The following SDHB variants were observed in gnomAD, a reference collection of about 807,000 sequenced individuals.
The protein encoded by SDHB is succinate dehydrogenase [ubiquinone] iron-sulfur subunit, mitochondrial.
A neutral mutation model predicts 39.7 loss-of-function variants in SDHB; 21 were observed. That is an observed-to-expected ratio of 0.53 (90% CI 0.37 to 0.76). The LOEUF is 0.76. Ranked by LOEUF, SDHB falls within the 30% of genes least tolerant of loss-of-function variation. The pLI is 0.00. For missense variants in SDHB, 343 were observed against 350.9 expected (o/e 0.98, Z 0.18); for synonymous variants, 118 against 117.0 (o/e 1.01, Z -0.06).
intron 1 of SDHB, 48 bp from the exon 2 acceptor site, chr1:17,044,936 A>C (rs1325859452): frequency 1.3e-6 from 2 of 1,559,940 alleles, no homozygotes; most frequent in Middle Eastern, 1.7e-4. Flanking sequence ...TTAGAAATAC[A>C]AGATAATTCC....
At chr1:17,038,755 A>C (rs1235909298) in intron 2 of SDHB, among the ~76,000 whole-genome samples, 1 of 152,246 alleles carries the variant, frequency 6.6e-6, no homozygotes, top group Non-Finnish European at 1.5e-5. Context: ...TTATTATTTA[A>C]GTAAAATTAG....
At chr1:17,030,605 G>A (rs577754570) in intron 3 of SDHB, among the ~76,000 whole-genome samples, 10 of 152,210 alleles carry the variant, frequency 6.6e-5, no homozygotes, top group African/African-American at 1.7e-4. Context: ...TAAACCTCTA[G>A]TGCCAGTCCT....
intron 6 of SDHB, chr1:17,023,124 G>A (rs1415534765): frequency 3.0e-6 from 1 of 337,738 alleles, no homozygotes; most frequent in African/African-American, 2.1e-5. Context: ...CTGAGTAAAG[G>A]AATGATTTAA....
At chr1:17,033,259 G>A in intron 2 of SDHB, 114 bp from the exon 3 acceptor site, 1 of 834,270 alleles carries the variant, frequency 1.2e-6, no homozygotes, top group Non-Finnish European at 2.0e-6. Context: ...GTCTTCTCAG[G>A]TCACCTTCGG....
At chr1:17,041,521 G>A (rs1344292133) in intron 2 of SDHB, among the ~76,000 whole-genome samples, 2 of 151,970 alleles carry the variant, frequency 1.3e-5, no homozygotes, top group Admixed American at 6.6e-5. Context: ...AAAATTAGAC[G>A]GTGTGTGACG....
intron 2 of SDHB, among the ~76,000 whole-genome samples, chr1:17,035,821 C>T (rs1419899393): frequency 2.0e-5 from 3 of 151,960 alleles, no homozygotes; most frequent in East Asian, 1.9e-4. Context: ...GACCGCACCA[C>T]TGCACTCCAG....
At position 17,028,692 on chromosome 1, in the gene SDHB, G is replaced by C. The variant is rs2078005090; in HGVS notation, c.331C>G (p.Leu111Val). 1.2e-6 allele frequency: 2 copies of C among 1,614,174 alleles called. No homozygotes were observed. Among genetic ancestry groups the C allele is most frequent in the Non-Finnish European group, 1.7e-6 (2 of 1,180,016 alleles). The part of the protein sequence containing the change: ...CAMNINGGNT[L>V]ACTRRIDTNL... ...GTGTCAATCCTTCGGGTGCAAGCTA[G>C]AGTGTTGCCTCCATTGATGTTCATT... is the stretch of plus-strand genomic sequence containing the variant. Residue 111 changes from leucine to valine, a missense_variant, in exon 4 of 8, where the codon CTA (leucine) becomes GTA (valine). Physicochemically the swap from Leu to Val is conservative, Grantham distance 32. Transcript: ENST00000375499.
chr1:17,035,257 C>A (rs532668553), intron 2 of SDHB, among the ~76,000 whole-genome samples: 14 of 152,062 alleles, frequency 9.2e-5, no homozygotes, highest in Non-Finnish European at 1.8e-4. Context: ...CAGACCACTG[C>A]CCTTCCTGAG....
At chr1:17,041,552 C>T (rs544616152) in intron 2 of SDHB, among the ~76,000 whole-genome samples, 5 of 151,988 alleles carry the variant, frequency 3.3e-5, no homozygotes, top group Admixed American at 6.6e-5. Context: ...GTCCCAGCTA[C>T]TCAGGAGGCT....
At chr1:17,042,966 T>TTTTG (rs2078089756) in intron 2 of SDHB, among the ~76,000 whole-genome samples, 2 of 124,846 alleles carry the variant, frequency 1.6e-5, no homozygotes, top group Non-Finnish European at 3.4e-5. Flanking sequence ...TTTTTTTTTT[T>TTTTG]TTTTTTTTTT....
intron 5 of SDHB, among the ~76,000 whole-genome samples, chr1:17,026,947 T>TA (rs1015135969): frequency 3.9e-5 from 6 of 152,146 alleles, no homozygotes; most frequent in African/African-American, 1.4e-4. Context: ...AAAATTTATA[T>TA]ATATTTTTAC....
intron 2 of SDHB, among the ~76,000 whole-genome samples, chr1:17,034,350 T>C (rs2078039009): frequency 6.6e-6 from 1 of 152,080 alleles, no homozygotes; most frequent in South Asian, 2.1e-4. Context: ...GATTTCGCCA[T>C]GTTGCCCAGG....
chr1:17,024,484 A>T (rs2077981603), intron 5 of SDHB, among the ~76,000 whole-genome samples: 1 of 152,198 alleles, frequency 6.6e-6, no homozygotes, highest in Non-Finnish European at 1.5e-5. Context: ...GCTCAGCAGA[A>T]GGGCCCTCAG....
intron 3 of SDHB, among the ~76,000 whole-genome samples, chr1:17,030,188 CA>C (rs1401779262): frequency 2.6e-5 from 4 of 150,988 alleles, no homozygotes; most frequent in African/African-American, 9.7e-5. Context: ...GATTCCATCT[CA>C]AAAAAAAGAA....
rs143394198 is a variant in SDHB at position 17,042,954 on chromosome 1, GTTTTTTTTTTT to G, written c.200+1796_200+1806del. On this transcript the variant is annotated intron_variant, in intron 2 of 7. Coordinates refer to ENST00000375499, the MANE Select transcript of SDHB (RefSeq NM_003000.3). ...AGCAGTAGGGTTTTTTGTTTTATGA[GTTTTTTTTTTT>G]TTTTTTTTTTTTTTGAGACAGAGTC... is the stretch of plus-strand genomic sequence containing the variant. Among the ~76,000 whole-genome samples, 17 of 62,898 alleles carry G rather than the reference GTTTTTTTTTTT, an allele frequency of 2.7e-4. No homozygotes were observed. In the South Asian group the frequency reaches 3.0e-3, roughly 11 times the overall value. The allele number at this position is 62,898 out of a possible 152,430, so 41.3% of individuals were successfully genotyped here.
chr1:17,028,341 G>A (rs1029840451), intron 4 of SDHB, among the ~76,000 whole-genome samples: 2 of 152,130 alleles, frequency 1.3e-5, no homozygotes, highest in African/African-American at 4.8e-5. Context: ...TTTTCTAGGC[G>A]TTTATCTTCT....
At chr1:17,049,540 A>G (rs1489672340) in intron 1 of SDHB, among the ~76,000 whole-genome samples, 1 of 145,114 alleles carries the variant, frequency 6.9e-6, no homozygotes, top group Non-Finnish European at 1.5e-5. Flanking sequence ...CAAGTGATCC[A>G]CCTGCCTCAG....
At chr1:17,019,600 G>A (rs535264544) in intron 7 of SDHB, among the ~76,000 whole-genome samples, 1 of 151,914 alleles carries the variant, frequency 6.6e-6, no homozygotes, top group Non-Finnish European at 1.5e-5. Flanking sequence ...GCAAGTACTT[G>A]GTAAAATGAG....
intron 1 of SDHB, among the ~76,000 whole-genome samples, chr1:17,050,139 C>T (rs899245350): frequency 2.6e-5 from 4 of 151,988 alleles, no homozygotes; most frequent in Admixed American, 2.0e-4. Context: ...TAATTGATCA[C>T]GTATTATCTT....
Sources: allele counts gnomAD v4.1 joint callset (sites outside exome capture counted in the v4.1 genomes callset), GRCh38; gene constraint gnomAD v4.1.1; transcripts MANE v1.5; gene names NCBI Gene and HGNC (gene_info 2026-07-23, HGNC 2026-07-21).